Variants in NR4A3 observed in about 807,000 individuals in gnomAD.
NR4A3 encodes nuclear receptor subfamily 4 group A member 3, also known as chondrosarcoma, extraskeletal myxoid, fused to EWS.
Under a neutral mutation model 55.6 loss-of-function variants are expected in NR4A3, and 13 were observed. That is an observed-to-expected ratio of 0.23 (90% CI 0.15 to 0.37). The LOEUF (loss-of-function observed/expected upper bound fraction) is 0.37. Among genes scored for constraint, NR4A3 ranks in the 10% least tolerant of loss-of-function variants. The pLI is 1.00. For synonymous variants in NR4A3, 342 were observed against 357.9 expected, an observed-to-expected ratio of 0.96 and a Z score of 0.50; for missense variants, 646 against 822.8, an observed-to-expected ratio of 0.79 and a Z score of 2.63.
At chr9:99,839,937 A>T (rs1366439125) in intron 5 of NR4A3, among the ~76,000 whole-genome samples, 2 of 152,152 alleles carry the variant, frequency 1.3e-5, no homozygotes, top group Non-Finnish European at 2.9e-5. Flanking sequence ...AGTCCTTCCA[A>T]CTCTAGGACC....
chr9:99,855,055 A>G (rs1175089500), intron 7 of NR4A3, among the ~76,000 whole-genome samples: 1 of 148,786 alleles, frequency 6.7e-6, no homozygotes, highest in African/African-American at 2.5e-5. Context: ...CATCCCTTGT[A>G]AGTTGGATTC....
chr9:99,825,028 G>T lies in NR4A3; in HGVS notation c.-176-631G>T, dbSNP rs939898605. Reference sequence around the variant, plus strand: ...TTCCAGCGCCAGCCTTCTCATCGCTGTGCCCTTTTGTTTGCTTGACCCCTG... The same window carrying T: ...TTCCAGCGCCAGCCTTCTCATCGCTTTGCCCTTTTGTTTGCTTGACCCCTG... On this transcript the variant is annotated intron_variant, in intron 1 of 7. Coordinates refer to ENST00000395097, the MANE Select transcript of NR4A3 (RefSeq NM_006981.4). The surrounding 1 kb of genome is among the most constrained non-coding windows in gnomAD (Gnocchi z 5.0). Among the ~76,000 whole-genome samples the T allele has an allele frequency of 2.0e-5, 3 of 152,216 alleles. No individual in the cohort carries two copies. Among genetic ancestry groups the T allele is most frequent in the African/African-American group, 7.2e-5 (3 of 41,444 alleles).
At chr9:99,841,902 C>T (rs529959133) in intron 5 of NR4A3, among the ~76,000 whole-genome samples, 2 of 152,066 alleles carry the variant, frequency 1.3e-5, no homozygotes, top group Admixed American at 1.3e-4. Flanking sequence ...CTGGGGAAGT[C>T]GAGGCTGTAG....
chr9:99,836,289 G>C (rs114504696), intron 5 of NR4A3, among the ~76,000 whole-genome samples: 60 of 152,300 alleles, frequency 3.9e-4, no homozygotes, highest in African/African-American at 1.4e-3. Flanking sequence ...TTAAACAAAT[G>C]GGAGAGCCTT....
At position 99,863,689 on chromosome 9, in the gene NR4A3, A is replaced by G; in HGVS notation, c.1703A>G (p.Asp568Gly). 4 of 1,614,022 alleles carry G rather than the reference A, an allele frequency of 2.5e-6. No homozygotes were observed. The highest frequency in any genetic ancestry group is 3.4e-6 in the Non-Finnish European group (4 of 1,179,962). Residue 568 changes from aspartate to glycine, a missense_variant, in exon 8 of 8, where the codon GAC becomes GGC. This residue lies in a region of NR4A3 where 163 missense variants were observed against 233.0 expected (regional missense o/e 0.70). Coordinates refer to ENST00000395097, the MANE Select transcript of NR4A3 (RefSeq NM_006981.4). ...AACAAGATCACAAGCAGTTTAAAAG[A>G]CCACCAGAGTAAGGGACAGGCTCTG... ...LCNKITSSLK[D>G]HQSKGQALEP...
chr9:99,832,404 T>G (rs1587875376), intron 3 of NR4A3, among the ~76,000 whole-genome samples: 1 of 152,162 alleles, frequency 6.6e-6, no homozygotes, highest in East Asian at 1.9e-4. Flanking sequence ...ATAATCTAAT[T>G]CTCCAAGGTA....
In NR4A3 at chr9:99,832,795, T is replaced by A; in HGVS notation, c.1058T>A (p.Leu353His). The change falls in exon 4 of 8, where the codon CTC (leucine) becomes CAC (histidine). Residue 353 changes from leucine to histidine, a missense_variant. Physicochemically the swap from Leu to His is moderately conservative, Grantham distance 99. Around this residue, in one of 5 missense-constraint regions of NR4A3, gnomAD observed 44 missense variants for 119.3 expected, o/e 0.37. Coordinates refer to ENST00000395097, the MANE Select transcript of NR4A3 (RefSeq NM_006981.4). ...CAGTACTGTCGATTTCAGAAGTGTC[T>A]CAGTGTTGGAATGGTAAAAGAAGGT... ...RCQYCRFQKC[L>H]SVGMVKEVVR... 1 of 1,597,322 alleles carries A rather than the reference T, an allele frequency of 6.3e-7. No individual in the cohort carries two copies. Among genetic ancestry groups the A allele is most frequent in the Non-Finnish European group, 8.6e-7 (1 of 1,168,096 alleles).
intron 4 of NR4A3, 114 bp from the exon 5 acceptor site, chr9:99,833,168 G>C: frequency 7.6e-7 from 1 of 1,308,448 alleles, no homozygotes. Flanking sequence ...CTTTTAAATG[G>C]TTGGTCTCAT....
chr9:99,836,911 G>C (rs370852511), intron 5 of NR4A3, among the ~76,000 whole-genome samples: 28 of 152,252 alleles, frequency 1.8e-4, no homozygotes, highest in South Asian at 1.0e-3. Context: ...TAACTGGGGT[G>C]AGATGATATG....
intron 2 of NR4A3, chr9:99,826,802 G>T (rs1255317478): frequency 6.2e-7 from 1 of 1,612,438 alleles, no homozygotes; most frequent in Non-Finnish European, 8.5e-7. Context: ...GGAAATGTGG[G>T]TAAGAGAAAG....
At chr9:99,858,699 G>A (rs1198596463) in intron 7 of NR4A3, among the ~76,000 whole-genome samples, 1 of 152,204 alleles carries the variant, frequency 6.6e-6, no homozygotes, top group East Asian at 1.9e-4. Flanking sequence ...TGGACTTAGA[G>A]TAAAAGAAAA....
Position 99,850,719 on chromosome 9 carries a change from C to G in NR4A3, c.1633+3104C>G, listed in dbSNP as rs1382666447. On this transcript the variant is annotated intron_variant, in intron 7 of 7. Transcript: ENST00000395097. ...TTCAGTTCTCTGAAATTCAGTTTCCCCATTTGTAAAATGGGGATAACAATG... is the reference window on the plus strand; with the variant it reads ...TTCAGTTCTCTGAAATTCAGTTTCCGCATTTGTAAAATGGGGATAACAATG... Among the ~76,000 whole-genome samples, 5 of 152,182 alleles carry G rather than the reference C, an allele frequency of 3.3e-5. No homozygotes were observed. In the East Asian group the frequency reaches 9.7e-4, roughly 29 times the overall value.
In NR4A3 at chr9:99,821,933, A is replaced by C. The variant is rs1827184988; in HGVS notation, c.-651A>C. 1 of 92,624 alleles carries C rather than the reference A, an allele frequency of 1.1e-5. No individual in the cohort carries two copies. The highest frequency in any genetic ancestry group is 2.1e-5 in the Non-Finnish European group (1 of 48,556). 5.7% of individuals were successfully genotyped at this position (92,624 alleles called of 1,614,324 possible). On this transcript the variant is annotated 5_prime_UTR_variant, in exon 1 of 8. Coordinates refer to ENST00000395097, the MANE Select transcript of NR4A3 (RefSeq NM_006981.4). ...CCTGCCTCCCGCCCCCCACCCCTCCAGCTCCTGCTCCTCCTCCGCTCCCCA... is the reference window on the plus strand; with the variant it reads ...CCTGCCTCCCGCCCCCCACCCCTCCCGCTCCTGCTCCTCCTCCGCTCCCCA...
intron 7 of NR4A3, among the ~76,000 whole-genome samples, chr9:99,862,977 G>C (rs536424567): frequency 1.3e-5 from 2 of 151,576 alleles, no homozygotes; most frequent in Non-Finnish European, 2.9e-5. Context: ...GGTTTCAAGT[G>C]GGGGGGAACA....
rs1051150297 is a variant in NR4A3 at position 99,822,344 on chromosome 9, A to C, written c.-240A>C. ...GGGACAGCAGCTGTGACTCCCCCCC[A>C]GTGCAGATTTCGGGACAGCTCTCTA... On this transcript the variant is annotated 5_prime_UTR_variant, in exon 1 of 8. Coordinates refer to ENST00000395097, the MANE Select transcript of NR4A3 (RefSeq NM_006981.4). This position sits in a 1 kb window ranked among gnomAD's most constrained non-coding sequence, Gnocchi z 4.9. The C allele has an allele frequency of 6.6e-6, 1 of 152,348 alleles. No individual in the cohort carries two copies. The highest frequency in any genetic ancestry group is 2.4e-5 in the African/African-American group (1 of 41,432). The allele number at this position is 152,348 out of a possible 1,614,324, so 9.4% of individuals were successfully genotyped here.
intron 7 of NR4A3, among the ~76,000 whole-genome samples, chr9:99,861,057 T>G (rs1828000673): frequency 6.6e-6 from 1 of 152,222 alleles, no homozygotes; most frequent in Non-Finnish European, 1.5e-5. Context: ...CTTAGAGAAA[T>G]TAGGTCACCC....
intron 3 of NR4A3, among the ~76,000 whole-genome samples, chr9:99,831,632 A>G (rs183268697): frequency 8.7e-4 from 133 of 152,332 alleles, no homozygotes; most frequent in Non-Finnish European, 1.6e-3. Flanking sequence ...TTTTTTATTA[A>G]TGCAGCCCAG....
chr9:99,837,912 G>T (rs1212978424), intron 5 of NR4A3, among the ~76,000 whole-genome samples: 2 of 152,160 alleles, frequency 1.3e-5, no homozygotes, highest in Admixed American at 1.3e-4. Flanking sequence ...AATGGGAGGT[G>T]GAGGGGTTTT....
chr9:99,851,518 G>A (rs1373006646), intron 7 of NR4A3, among the ~76,000 whole-genome samples: 1 of 152,022 alleles, frequency 6.6e-6, no homozygotes, highest in African/African-American at 2.4e-5. Flanking sequence ...GATTAGTATT[G>A]GTGGTTTGCA....
Sources: allele counts gnomAD v4.1 joint callset (sites outside exome capture counted in the v4.1 genomes callset), GRCh38; gene constraint gnomAD v4.1.1; regional missense constraint gnomAD v4.1.1; non-coding constraint Gnocchi (gnomAD v3.1); transcripts MANE v1.5; gene names NCBI Gene and HGNC (gene_info 2026-07-23, HGNC 2026-07-21).